ZDHHC17: variants seen among roughly 807,000 people sequenced by gnomAD.
The protein encoded by ZDHHC17 is palmitoyltransferase ZDHHC17.
Under a neutral mutation model 90.3 loss-of-function variants are expected in ZDHHC17, and 40 were observed. The ratio of observed to expected loss-of-function variants is 0.44; its 90% CI spans 0.34 to 0.58. ZDHHC17 has a LOEUF of 0.58. Ranked by LOEUF, ZDHHC17 falls within the 20% of genes least tolerant of loss-of-function variation. The pLI is 0.01. For missense variants in ZDHHC17, 614 were observed against 780.8 expected (o/e 0.79, Z 2.55); for synonymous variants, 235 against 252.4 (o/e 0.93, Z 0.65).
At chr12:76,782,468 A>T (rs1952638219) in intron 1 of ZDHHC17, among the ~76,000 whole-genome samples, 1 of 152,196 alleles carries the variant, frequency 6.6e-6, no homozygotes, top group African/African-American at 2.4e-5. Flanking sequence ...GAGGGCTTTC[A>T]CTATGTGTCC....
chr12:76,823,154 A>G (rs933821675), intron 8 of ZDHHC17, among the ~76,000 whole-genome samples: 4 of 152,196 alleles, frequency 2.6e-5, no homozygotes, highest in South Asian at 2.1e-4. Context: ...GTTAAGTAAT[A>G]GATAAAAATA....
At chr12:76,766,875 C>A (rs531719764) in intron 1 of ZDHHC17, among the ~76,000 whole-genome samples, 2 of 152,144 alleles carry the variant, frequency 1.3e-5, no homozygotes, top group Admixed American at 6.5e-5. Flanking sequence ...CAAAAATTAG[C>A]TGAGCATGGT....
intron 1 of ZDHHC17, among the ~76,000 whole-genome samples, chr12:76,767,555 TG>T (rs1404785252): frequency 6.6e-6 from 1 of 152,214 alleles, no homozygotes; most frequent in Non-Finnish European, 1.5e-5. Context: ...GGTAAGGAAT[TG>T]TGCTGGAGTC....
chr12:76,809,795 A>G lies in ZDHHC17; in HGVS notation c.481A>G (p.Ile161Val), dbSNP rs776373057. 1.9e-6 allele frequency: 3 copies of G among 1,609,864 alleles called. No homozygotes were observed. Among genetic ancestry groups the G allele is most frequent in the Non-Finnish European group, 2.5e-6 (3 of 1,178,096 alleles). ...SLIDGEGCSCIHLAAQFGHTS... is the reference protein window; with the variant it reads ...SLIDGEGCSCVHLAAQFGHTS... ...AATTGATGGAGAAGGATGTAGCTGTATTCATCTGGCTGCTCAGTTCGGACA... is the reference window on the plus strand; with the variant it reads ...AATTGATGGAGAAGGATGTAGCTGTGTTCATCTGGCTGCTCAGTTCGGACA... Residue 161 changes from isoleucine (I) to valine (V), a missense_variant, in exon 5 of 17, where the codon ATT becomes GTT. Physicochemically the swap from Ile to Val is conservative, Grantham distance 29. Coordinates refer to ENST00000426126, the MANE Select transcript of ZDHHC17 (RefSeq NM_015336.4).
chr12:76,805,344 A>T lies in ZDHHC17; in HGVS notation c.225A>T (p.Glu75Asp). The T allele has an allele frequency of 6.2e-7, 1 of 1,602,828 alleles. No homozygotes were observed. Among genetic ancestry groups the T allele is most frequent in the Non-Finnish European group, 8.5e-7 (1 of 1,173,650 alleles). Residue 75 changes from glutamate (E) to aspartate (D), a missense_variant, in exon 3 of 17, where the codon GAA (glutamate) becomes GAT (aspartate). Coordinates refer to ENST00000426126, the MANE Select transcript of ZDHHC17 (RefSeq NM_015336.4). ...TQYGIYERCR[E>D]LVEAGYDVRQ... ...ATGGAATATATGAACGCTGTCGAGA[A>T]TTGGTGGAAGCAGGTTATGATGTAC...
chr12:76,821,740 G>A (rs933476529), intron 7 of ZDHHC17, among the ~76,000 whole-genome samples: 1 of 151,958 alleles, frequency 6.6e-6, no homozygotes, highest in Admixed American at 6.6e-5. Flanking sequence ...CCTAAAATTG[G>A]GAATGCTTAT....
At chr12:76,818,287 T>C (rs912820491) in intron 7 of ZDHHC17, among the ~76,000 whole-genome samples, 1 of 152,200 alleles carries the variant, frequency 6.6e-6, no homozygotes, top group Non-Finnish European at 1.5e-5. Flanking sequence ...AATGCCTTTT[T>C]TAAAAATGGG....
chr12:76,822,594 G>T lies in ZDHHC17; in HGVS notation c.897+63G>T, dbSNP rs1159044290. ...TTTGAGACGGAGTTTCGCTCTTGTT[G>T]CCCAGGCTGGAGTGCAGTGGCGAGA... On this transcript the variant is annotated intron_variant, in intron 8 of 16. Transcript: ENST00000426126. 3 of 1,353,686 alleles carry T rather than the reference G, an allele frequency of 2.2e-6. No individual in the cohort carries two copies. In the African/African-American group the frequency reaches 4.9e-5, roughly 22 times the overall value. The allele number at this position is 1,353,686 out of a possible 1,614,324, so 83.9% of individuals were successfully genotyped here.
In ZDHHC17 at chr12:76,843,161, G is replaced by A. The variant is rs77931276; in HGVS notation, c.1329+180G>A. On this transcript the variant is annotated intron_variant, in intron 12 of 16. Coordinates refer to ENST00000426126, the MANE Select transcript of ZDHHC17 (RefSeq NM_015336.4). ...CTTCCCAAGGCGCTTATTCCTCGAT[G>A]GTAGGCCTTGACTGTACTTTTGATT... 3.2e-3 allele frequency among the ~76,000 whole-genome samples: 492 copies of A among 152,172 alleles called. 1 individual carries two copies. Among genetic ancestry groups the A allele is most frequent in the African/African-American group, 0.011 (469 of 41,552 alleles).
intron 9 of ZDHHC17, 56 bp from the exon 10 acceptor site, chr12:76,828,334 A>G (rs1426319128): frequency 4.3e-5 from 59 of 1,372,966 alleles, no homozygotes; most frequent in Non-Finnish European, 5.9e-5. Flanking sequence ...TTAAATAAAT[A>G]CTCATTTTTA....
chr12:76,826,150 G>C (rs116296646), intron 8 of ZDHHC17, among the ~76,000 whole-genome samples: 2,434 of 152,226 alleles, frequency 0.016, 34 homozygotes, highest in Middle Eastern at 0.041. Flanking sequence ...GTGACCTAAG[G>C]TAACTGAACA....
intron 1 of ZDHHC17, among the ~76,000 whole-genome samples, chr12:76,784,977 A>C (rs1346435992): frequency 6.6e-6 from 1 of 152,240 alleles, no homozygotes; most frequent in Non-Finnish European, 1.5e-5. Context: ...AAGGCTAGCC[A>C]AAGCTTTAGC....
At chr12:76,845,853 G>A in intron 13 of ZDHHC17, 51 bp downstream of exon 13, 1 of 1,011,916 alleles carries the variant, frequency 9.9e-7, no homozygotes, top group Non-Finnish European at 1.5e-6. Flanking sequence ...GTTACTTTAG[G>A]TAATGAATAA....
At chr12:76,783,161 G>T (rs1952646570) in intron 1 of ZDHHC17, among the ~76,000 whole-genome samples, 1 of 152,170 alleles carries the variant, frequency 6.6e-6, no homozygotes, top group South Asian at 2.1e-4. Context: ...AGAGCCCAAG[G>T]TTAGGTTTCT....
At chr12:76,792,400 T>A (rs1952768847) in intron 1 of ZDHHC17, among the ~76,000 whole-genome samples, 1 of 152,182 alleles carries the variant, frequency 6.6e-6, no homozygotes, top group South Asian at 2.1e-4. Context: ...GGTTATATAA[T>A]CCCATCAAGG....
intron 10 of ZDHHC17, among the ~76,000 whole-genome samples, chr12:76,838,842 G>T (rs1953399637): frequency 6.6e-6 from 1 of 152,162 alleles, no homozygotes; most frequent in African/African-American, 2.4e-5. Context: ...AATTGAGTGG[G>T]ACTGAGGAGT....
chr12:76,845,744 G>A lies in ZDHHC17; in HGVS notation c.1365G>A (p.Val455=). The stretch of plus-strand genomic sequence containing the variant: ...CGGTGAGGTCCAAACATTGTGGTGT[G>A]TGCAACCGCTGTATAGCAAAATTTG... ...RKPVRSKHCG[V]CNRCIAKFDH... Residue 455 remains valine (V), a synonymous_variant, in exon 13 of 17, where the codon GTG becomes GTA. Coordinates refer to ENST00000426126, the MANE Select transcript of ZDHHC17 (RefSeq NM_015336.4). 1 of 1,612,100 alleles carries A rather than the reference G, an allele frequency of 6.2e-7. No individual in the cohort carries two copies. The highest frequency in any genetic ancestry group is 2.2e-5 in the East Asian group (1 of 44,746).
At chr12:76,802,969 A>G (rs938064070) in intron 2 of ZDHHC17, among the ~76,000 whole-genome samples, 4 of 152,066 alleles carry the variant, frequency 2.6e-5, no homozygotes, top group African/African-American at 9.7e-5. Context: ...AAATTACATG[A>G]GGCCAGGCAC....
intron 10 of ZDHHC17, among the ~76,000 whole-genome samples, chr12:76,838,388 T>A (rs539987603): frequency 1.2e-4 from 19 of 152,348 alleles, no homozygotes; most frequent in African/African-American, 4.3e-4. Context: ...TGGGCAAATA[T>A]ATTCAGACTT....
Sources: allele counts gnomAD v4.1 joint callset (sites outside exome capture counted in the v4.1 genomes callset), GRCh38; gene constraint gnomAD v4.1.1; transcripts MANE v1.5; gene names NCBI Gene and HGNC (gene_info 2026-07-23, HGNC 2026-07-21).